DGKZ: variants seen among roughly 807,000 people sequenced by gnomAD.
The protein encoded by DGKZ is DAG kinase zeta.
DGKZ carries 45 observed loss-of-function variants against 142.5 expected under a neutral mutation model. That is an observed-to-expected ratio of 0.32 (90% CI 0.25 to 0.40). The LOEUF (loss-of-function observed/expected upper bound fraction) is 0.40, where lower values mean the gene tolerates loss of function less well. DGKZ is among the 10% of genes least tolerant of loss of function. The pLI, the probability that DGKZ is intolerant of heterozygous loss-of-function variation, is 1.00. For missense variants in DGKZ, 755 were observed against 1,306.5 expected (o/e 0.58, Z 6.51); for synonymous variants, 442 against 527.0 (o/e 0.84, Z 2.21).
At chr11:46,376,264 T>TC in intron 22 of DGKZ, 64 bp from the exon 23 acceptor site, 1 of 1,609,900 alleles carries the variant, frequency 6.2e-7, no homozygotes, top group Non-Finnish European at 8.5e-7. Context: ...TTCCCCCTAC[T>TC]CCAAGTTCCC....
At chr11:46,379,748 G>A in intron 30 of DGKZ, 83 bp from the exon 31 acceptor site, 1 of 1,408,250 alleles carries the variant, frequency 7.1e-7, no homozygotes, top group Non-Finnish European at 9.6e-7. Flanking sequence ...CAGGCCACAG[G>A]GAGGTAGAGC....
At chr11:46,354,718 T>G (rs1384311880) in intron 1 of DGKZ, among the ~76,000 whole-genome samples, 1 of 152,236 alleles carries the variant, frequency 6.6e-6, no homozygotes, top group Admixed American at 6.5e-5. Flanking sequence ...GTGCCTGTTT[T>G]TAAAATTGTC....
chr11:46,366,689 C>A, intron 1 of DGKZ: 2 of 1,572,432 alleles, frequency 1.3e-6, no homozygotes, highest in East Asian at 4.7e-5. Flanking sequence ...AGGGCCACCC[C>A]CACCTCGGGG....
intron 1 of DGKZ, chr11:46,366,324 C>T (rs1392103831): frequency 6.4e-7 from 1 of 1,569,812 alleles, no homozygotes; most frequent in Admixed American, 1.8e-5. Flanking sequence ...CAGCAGCGGC[C>T]CAGCAGCGTG....
At chr11:46,375,665 A>T in intron 20 of DGKZ, 34 bp downstream of exon 20, 1 of 1,533,118 alleles carries the variant, frequency 6.5e-7, no homozygotes, top group East Asian at 2.4e-5. Flanking sequence ...CCTGGGTGCC[A>T]AGGCCAGACC....
At chr11:46,378,759 A>G in intron 27 of DGKZ, 1 of 864,532 alleles carries the variant, frequency 1.2e-6, no homozygotes, top group South Asian at 1.4e-5. Context: ...CAGAGGAAGC[A>G]CTGCTCCAGG....
At chr11:46,378,142 G>C in intron 25 of DGKZ, 56 bp from the exon 26 acceptor site, 2 of 1,579,760 alleles carry the variant, frequency 1.3e-6, no homozygotes, top group Non-Finnish European at 1.7e-6. Context: ...GGGTTGGGGA[G>C]GGCGACCAGC....
At chr11:46,370,575 G>C (rs1226621178) in intron 6 of DGKZ, among the ~76,000 whole-genome samples, 1 of 152,158 alleles carries the variant, frequency 6.6e-6, no homozygotes, top group African/African-American at 2.4e-5. Flanking sequence ...TAGGTACTCG[G>C]AAGCGGCAGT....
intron 1 of DGKZ, among the ~76,000 whole-genome samples, chr11:46,334,209 G>A (rs1939899801): frequency 6.6e-6 from 1 of 152,206 alleles, no homozygotes; most frequent in South Asian, 2.1e-4. Flanking sequence ...CAGAACAAGG[G>A]TGGGAAAGTT....
In DGKZ at chr11:46,372,025, A is replaced by T. The variant is rs1404122294; in HGVS notation, c.832-50A>T. 1.0e-5 allele frequency: 16 copies of T among 1,524,416 alleles called. No homozygotes were observed. Among genetic ancestry groups the T allele is most frequent in the Non-Finnish European group, 1.3e-5 (15 of 1,116,770 alleles). 94.4% of individuals were successfully genotyped at this position (1,524,416 alleles called of 1,614,324 possible). Reference sequence around the variant, plus strand: ...CAGGGGGCCTGCTAAGGATGATGGTAGGGTGTCCTGGACGGGAAGGAGCTT... The same window carrying T: ...CAGGGGGCCTGCTAAGGATGATGGTTGGGTGTCCTGGACGGGAAGGAGCTT... On this transcript the variant is annotated intron_variant, in intron 9 of 30. Transcript: ENST00000527911. This position sits in a 1 kb window ranked among gnomAD's most constrained non-coding sequence, Gnocchi z 5.9.
chr11:46,362,568 G>A (rs529512140), intron 1 of DGKZ, among the ~76,000 whole-genome samples: 1 of 152,282 alleles, frequency 6.6e-6, no homozygotes, highest in East Asian at 1.9e-4. Context: ...CTCTGTCATC[G>A]CATCCAGACC....
At chr11:46,374,496 C>T (rs778134542) in intron 16 of DGKZ, 42 bp downstream of exon 16, 23 of 1,613,710 alleles carry the variant, frequency 1.4e-5, no homozygotes, top group Non-Finnish European at 1.8e-5. Flanking sequence ...ACCTCTTCTA[C>T]CACCCGTGCC....
chr11:46,378,967 C>T (rs1944892575), intron 27 of DGKZ, 24 bp from the exon 28 acceptor site: 1 of 1,516,048 alleles, frequency 6.6e-7, no homozygotes, highest in Non-Finnish European at 8.8e-7. Flanking sequence ...GGAGGTCCAG[C>T]CCTGCCATGC....
intron 1 of DGKZ, among the ~76,000 whole-genome samples, chr11:46,354,407 G>A (rs768112446): frequency 6.6e-6 from 1 of 152,146 alleles, no homozygotes. Flanking sequence ...TGTTGCCCAG[G>A]TTGGTCTCGA....
intron 1 of DGKZ, chr11:46,364,983 G>A (rs1943088898): frequency 2.0e-6 from 2 of 985,476 alleles, no homozygotes; most frequent in Non-Finnish European, 2.4e-6. Context: ...GTGGCCTCAG[G>A]TACCTGGAGG....
Position 46,340,974 on chromosome 11 carries a change from C to T in DGKZ, c.212+7487C>T, listed in dbSNP as rs533999430. On this transcript the variant is annotated intron_variant, in intron 1 of 30. Coordinates refer to the DGKZ transcript ENST00000343674. ...GACCAGCCTGGGCAACATGGCGAAA[C>T]CCTGTCTCTACTAAAAATACAAAAA... 8.8e-4 allele frequency among the ~76,000 whole-genome samples: 134 copies of T among 152,348 alleles called. 1 individual carries two copies. The highest frequency in any genetic ancestry group is 4.8e-3 in the East Asian group (25 of 5,184).
chr11:46,336,566 G>A (rs1239024125), intron 1 of DGKZ, among the ~76,000 whole-genome samples: 1 of 152,080 alleles, frequency 6.6e-6, no homozygotes, highest in Non-Finnish European at 1.5e-5. Flanking sequence ...TGTCTCTACA[G>A]CAAAAAAATT....
chr11:46,369,644 T>G, intron 5 of DGKZ, 94 bp downstream of exon 5: 2 of 1,490,848 alleles, frequency 1.3e-6, no homozygotes, highest in South Asian at 2.3e-5. Flanking sequence ...GGGGCTCGGC[T>G]CCCTCTAGGC....
intron 1 of DGKZ, among the ~76,000 whole-genome samples, chr11:46,363,160 C>T (rs1033401745): frequency 9.2e-5 from 14 of 152,166 alleles, no homozygotes; most frequent in Non-Finnish European, 1.5e-4. Context: ...AGGCTTAGGC[C>T]CAGGGCGGGC....
Sources: allele counts gnomAD v4.1 joint callset (sites outside exome capture counted in the v4.1 genomes callset), GRCh38; gene constraint gnomAD v4.1.1; non-coding constraint Gnocchi (gnomAD v3.1); transcripts MANE v1.5; gene names NCBI Gene and HGNC (gene_info 2026-07-23, HGNC 2026-07-21).